Variants in UVRAG observed in about 807,000 individuals in gnomAD.
The protein encoded by UVRAG is UV radiation resistance associated, also known as UV radiation resistance-associated gene protein.
A neutral mutation model predicts 78.0 loss-of-function variants in UVRAG; 19 were observed. That is an observed-to-expected ratio of 0.24 (90% CI 0.17 to 0.36). The LOEUF (loss-of-function observed/expected upper bound fraction) is 0.36. UVRAG is among the 10% of genes least tolerant of loss of function. UVRAG has a pLI of 1.00. For missense variants in UVRAG, 740 were observed against 853.8 expected (o/e 0.87, Z 1.66); for synonymous variants, 323 against 324.6 (o/e 1.00, Z 0.05).
chr11:76,070,107 A>G (rs930377792), intron 13 of UVRAG, among the ~76,000 whole-genome samples: 1 of 152,188 alleles, frequency 6.6e-6, no homozygotes, highest in African/African-American at 2.4e-5. Context: ...ACACAAATAG[A>G]ATATTATTCA....
At chr11:76,002,871 T>C (rs1591118784) in intron 8 of UVRAG, among the ~76,000 whole-genome samples, 1 of 151,624 alleles carries the variant, frequency 6.6e-6, no homozygotes, top group Non-Finnish European at 1.5e-5. Flanking sequence ...AGCTCAGGAG[T>C]TCAAGATCAG....
chr11:76,054,888 T>C (rs1950948428), intron 12 of UVRAG, among the ~76,000 whole-genome samples: 2 of 152,246 alleles, frequency 1.3e-5, no homozygotes, highest in African/African-American at 4.8e-5. Flanking sequence ...GAATGAAGAA[T>C]AGTATTTGCT....
chr11:76,034,363 T>C (rs534500964), intron 12 of UVRAG, among the ~76,000 whole-genome samples: 1 of 152,198 alleles, frequency 6.6e-6, no homozygotes, highest in East Asian at 1.9e-4. Context: ...AGCTATTTTT[T>C]CTAATTGTAT....
intron 3 of UVRAG, among the ~76,000 whole-genome samples, chr11:75,877,603 G>C (rs1209364734): frequency 7.1e-6 from 1 of 140,190 alleles, no homozygotes; most frequent in Non-Finnish European, 1.6e-5. Flanking sequence ...CTGGCCGGGC[G>C]GGGGGCTGAC....
chr11:76,086,908 G>A (rs1179212592), intron 13 of UVRAG, among the ~76,000 whole-genome samples: 3 of 152,160 alleles, frequency 2.0e-5, no homozygotes, highest in African/African-American at 7.2e-5. Context: ...CTGAATTCTA[G>A]CTGTTGCTGT....
chr11:75,950,962 GTA>G (rs1491521573), intron 6 of UVRAG, among the ~76,000 whole-genome samples: 3 of 125,974 alleles, frequency 2.4e-5, no homozygotes, highest in African/African-American at 1.1e-4. Flanking sequence ...TTTGTCAGGT[GTA>G]CACACACACA....
intron 14 of UVRAG, among the ~76,000 whole-genome samples, chr11:76,138,352 T>A (rs1952636515): frequency 6.6e-6 from 1 of 152,194 alleles, no homozygotes; most frequent in Admixed American, 6.5e-5. Flanking sequence ...ACTCGAGGGC[T>A]CTGTGTGGGC....
chr11:75,957,006 T>C (rs1357978553), intron 6 of UVRAG, among the ~76,000 whole-genome samples: 1 of 147,222 alleles, frequency 6.8e-6, no homozygotes, highest in Non-Finnish European at 1.5e-5. Context: ...CTATGGACTG[T>C]TTTTTTTTTT....
At chr11:76,094,131 T>G (rs989324435) in intron 13 of UVRAG, among the ~76,000 whole-genome samples, 1 of 152,214 alleles carries the variant, frequency 6.6e-6, no homozygotes, top group Non-Finnish European at 1.5e-5. Context: ...GGTTTTTGTC[T>G]TTGGTTCTGT....
chr11:76,107,936 C>T (rs1485460920), intron 13 of UVRAG, among the ~76,000 whole-genome samples: 1 of 151,990 alleles, frequency 6.6e-6, no homozygotes, highest in African/African-American at 2.4e-5. Flanking sequence ...ATCTTTGATG[C>T]ATATGTGCAT....
intron 13 of UVRAG, among the ~76,000 whole-genome samples, chr11:76,093,103 C>T (rs1457849422): frequency 6.6e-6 from 1 of 152,192 alleles, no homozygotes; most frequent in Non-Finnish European, 1.5e-5. Context: ...ATCCTTTCCC[C>T]GTTTCTTGTT....
chr11:75,836,648 A>G (rs941647098), intron 1 of UVRAG, among the ~76,000 whole-genome samples: 26 of 152,180 alleles, frequency 1.7e-4, no homozygotes, highest in Non-Finnish European at 3.2e-4. Flanking sequence ...ACCACGAAAA[A>G]GCAGCTTCCC....
chr11:75,884,347 G>A (rs772075318), intron 4 of UVRAG, among the ~76,000 whole-genome samples: 19 of 151,814 alleles, frequency 1.3e-4, no homozygotes, highest in Non-Finnish European at 1.9e-4. Context: ...ATATAAATCA[G>A]TCCTTTATAA....
In UVRAG at chr11:75,837,110, C is replaced by A. The variant is rs1179321919; in HGVS notation, c.118-14773C>A. On this transcript the variant is annotated intron_variant, in intron 1 of 14. Transcript: ENST00000356136. ...TTTGGGAGGCCAAGGTGGGTGGATC[C>A]TGAGGTCAGGAGATCAAGACCATCC... Among the ~76,000 whole-genome samples the A allele has an allele frequency of 2.6e-5, 4 of 151,642 alleles. No homozygotes were observed. The East Asian group carries it at 8.5e-4, about 32-fold the overall frequency.
chr11:75,853,455 G>C (rs1452230527), intron 2 of UVRAG, among the ~76,000 whole-genome samples: 1 of 150,978 alleles, frequency 6.6e-6, no homozygotes, highest in Non-Finnish European at 1.5e-5. Flanking sequence ...CGCCTCCCTG[G>C]ATTCTAGTGA....
chr11:75,840,878 T>C (rs949912436), intron 1 of UVRAG, among the ~76,000 whole-genome samples: 1 of 152,160 alleles, frequency 6.6e-6, no homozygotes, highest in Non-Finnish European at 1.5e-5. Flanking sequence ...AAAATATAGG[T>C]GATTGAGAGT....
intron 5 of UVRAG, among the ~76,000 whole-genome samples, chr11:75,908,359 G>A (rs1379365735): frequency 6.6e-6 from 1 of 152,048 alleles, no homozygotes; most frequent in African/African-American, 2.4e-5. Flanking sequence ...CTTGGCTATT[G>A]TAAATAATGC....
At chr11:75,817,626 AAAT>A (rs1474319825) in intron 1 of UVRAG, among the ~76,000 whole-genome samples, 1 of 152,158 alleles carries the variant, frequency 6.6e-6, no homozygotes, top group African/African-American at 2.4e-5. Context: ...TTTAGTGTAT[AAAT>A]AATATCAATA....
Position 75,817,650 on chromosome 11 carries a change from G to T in UVRAG, c.117+2126G>T, listed in dbSNP as rs999583510. ...TAAATAATATCAATAAAATTTTGTTGAAGTTTTATCTGTATATAGTAAAGT... is the reference window on the plus strand; with the variant it reads ...TAAATAATATCAATAAAATTTTGTTTAAGTTTTATCTGTATATAGTAAAGT... On this transcript the variant is annotated intron_variant, in intron 1 of 14. Transcript: ENST00000356136. Among the ~76,000 whole-genome samples the T allele has an allele frequency of 3.3e-4, 50 of 152,074 alleles. 1 individual carries two copies. The highest frequency in any genetic ancestry group is 6.6e-4 in the Non-Finnish European group (45 of 68,014).
Sources: gnomAD v4.1 joint callset for allele counts (sites outside exome capture counted in the v4.1 genomes callset) on GRCh38, gnomAD v4.1.1 for gene constraint, MANE v1.5 for transcripts, NCBI Gene and HGNC (gene_info 2026-07-23, HGNC 2026-07-21) for gene names.